The following CNTN6 variants were observed in gnomAD, a reference collection of about 807,000 sequenced individuals.
The protein encoded by CNTN6 is contactin-6.
A neutral mutation model predicts 122.8 loss-of-function variants in CNTN6; 137 were observed. The ratio of observed to expected loss-of-function variants is 1.12; its 90% CI spans 0.97 to 1.29. CNTN6 has a LOEUF of 1.29. Among genes scored for constraint, CNTN6 ranks in the 50% most tolerant of loss-of-function variants. The pLI is 0.00. For synonymous variants in CNTN6, 570 were observed against 426.0 expected (o/e 1.34, Z -4.16); for missense variants, 1,634 against 1,223.4 (o/e 1.34, Z -5.01).
intron 11 of CNTN6, among the ~76,000 whole-genome samples, chr3:1,343,681 C>T (rs1447318939): frequency 1.3e-5 from 2 of 152,148 alleles, no homozygotes; most frequent in South Asian, 2.1e-4. Flanking sequence ...TAGCTACTAC[C>T]TTGGGACACC....
chr3:1,233,557 A>G (rs1244509258), intron 4 of CNTN6, among the ~76,000 whole-genome samples: 1 of 151,906 alleles, frequency 6.6e-6, no homozygotes, highest in Admixed American at 6.6e-5. Context: ...AACATAGTGA[A>G]ACCACGTCTC....
At chr3:1,385,919 G>C in intron 20 of CNTN6, 122 bp downstream of exon 20, 1 of 939,232 alleles carries the variant, frequency 1.1e-6, no homozygotes, top group Non-Finnish European at 1.6e-6. Context: ...TGGTTAGTTG[G>C]TTTGTCCCTT....
intron 2 of CNTN6, among the ~76,000 whole-genome samples, chr3:1,162,046 C>A (rs1286954742): frequency 6.6e-6 from 1 of 152,092 alleles, no homozygotes; most frequent in Admixed American, 6.5e-5. Context: ...TGAAGAGTTT[C>A]TTTCCTCCCT....
At chr3:1,154,303 T>C (rs903198187) in intron 2 of CNTN6, among the ~76,000 whole-genome samples, 2 of 152,200 alleles carry the variant, frequency 1.3e-5, no homozygotes, top group South Asian at 2.1e-4. Flanking sequence ...GTTTTCACCA[T>C]GAAGTCTTTG....
chr3:1,147,932 T>A lies in CNTN6; in HGVS notation c.-77T>A, dbSNP rs891922676. On this transcript the variant is annotated 5_prime_UTR_variant, in exon 2 of 23. Coordinates refer to ENST00000446702, the MANE Select transcript of CNTN6 (RefSeq NM_001289080.2). Reference sequence around the variant, plus strand: ...GACAATTTTGTCTTTTTCAGACTCTTGAGATACTGACTGGAAGATAGACTG... The same window carrying A: ...GACAATTTTGTCTTTTTCAGACTCTAGAGATACTGACTGGAAGATAGACTG... The A allele has an allele frequency of 1.0e-6, 1 of 997,598 alleles. No individual in the cohort carries two copies. The allele number at this position is 997,598 out of a possible 1,614,324, so 61.8% of individuals were successfully genotyped here.
chr3:1,332,526 G>GCAAGGAAT (rs1702453625), intron 11 of CNTN6, among the ~76,000 whole-genome samples: 1 of 149,586 alleles, frequency 6.7e-6, no homozygotes, highest in Admixed American at 6.7e-5. Flanking sequence ...AAGGAAGGAA[G>GCAAGGAAT]GAAGGAGGGA....
rs770547598 is a variant in CNTN6, at chr3:1,278,418, G to A, written c.364G>A (p.Glu122Lys). 4.4e-6 allele frequency: 7 copies of A among 1,596,252 alleles called. No individual in the cohort carries two copies. In the South Asian group the frequency reaches 7.9e-5, roughly 18 times the overall value. ...GCTTTTCTTTGTTTTCCAAGATATT[G>A]AAGACTTTGAAACTAAAACAAGAAG... Reference protein sequence around the residue: ...RKAKLQFAYIEDFETKTRSTV... With the variant: ...RKAKLQFAYIKDFETKTRSTV... The change falls in exon 5 of 23, where the codon GAA (glutamate) becomes AAA (lysine). Residue 122 changes from glutamate to lysine, a missense_variant. Glu to Lys is a moderately conservative substitution (Grantham distance 56). Coordinates refer to ENST00000446702, the MANE Select transcript of CNTN6 (RefSeq NM_001289080.2).
intron 1 of CNTN6, among the ~76,000 whole-genome samples, chr3:1,129,526 T>C (rs1449316396): frequency 6.6e-6 from 1 of 152,114 alleles, no homozygotes; most frequent in Non-Finnish European, 1.5e-5. Context: ...CCCAACTTTC[T>C]GCACAGTCAC....
At chr3:1,159,885 G>T (rs113425072) in intron 2 of CNTN6, among the ~76,000 whole-genome samples, 2 of 151,584 alleles carry the variant, frequency 1.3e-5, no homozygotes, top group Admixed American at 1.3e-4. Flanking sequence ...CAGTGGCGCG[G>T]TCTCAGCTCA....
intron 3 of CNTN6, among the ~76,000 whole-genome samples, chr3:1,226,701 G>A (rs1224070725): frequency 6.6e-6 from 1 of 151,834 alleles, no homozygotes; most frequent in African/African-American, 2.4e-5. Flanking sequence ...AGGTTTTCCT[G>A]TTTTTTAGGA....
intron 2 of CNTN6, among the ~76,000 whole-genome samples, chr3:1,175,792 G>A (rs1218821600): frequency 1.4e-5 from 2 of 143,910 alleles, no homozygotes; most frequent in African/African-American, 4.9e-5. Flanking sequence ...GTGTGATGCG[G>A]GACTCTTGCT....
At chr3:1,176,189 G>A (rs530760088) in intron 2 of CNTN6, among the ~76,000 whole-genome samples, 8 of 152,200 alleles carry the variant, frequency 5.3e-5, no homozygotes, top group Admixed American at 1.3e-4. Flanking sequence ...AGGCCGGGGC[G>A]GGCGGATCAA....
intron 4 of CNTN6, among the ~76,000 whole-genome samples, chr3:1,251,381 C>G (rs2094665728): frequency 6.6e-6 from 1 of 152,178 alleles, no homozygotes; most frequent in South Asian, 2.1e-4. Context: ...TTCACGAATC[C>G]TAACAACTAC....
chr3:1,164,569 A>G (rs2093204745), intron 2 of CNTN6, among the ~76,000 whole-genome samples: 1 of 152,216 alleles, frequency 6.6e-6, no homozygotes, highest in Admixed American at 6.5e-5. Context: ...GGTTTTTCCT[A>G]TGATAGCTGG....
At position 1,376,994 on chromosome 3, in the gene CNTN6, G is replaced by A; in HGVS notation, c.2096-11G>A. The A allele has an allele frequency of 6.3e-7, 1 of 1,578,326 alleles. No homozygotes were observed. Among genetic ancestry groups the A allele is most frequent in the Non-Finnish European group, 8.6e-7 (1 of 1,159,996 alleles). ...TAATTGCCATCCCACATTTCTCTTG[G>A]TTATTTTTAGTCCCTGTTGTGGCAC... On this transcript the variant is annotated splice_polypyrimidine_tract_variant and intron_variant, in intron 16 of 22. Coordinates refer to ENST00000446702, the MANE Select transcript of CNTN6 (RefSeq NM_001289080.2).
At chr3:1,402,758 C>G (rs1004071121) in intron 22 of CNTN6, 10 of 296,338 alleles carry the variant, frequency 3.4e-5, no homozygotes, top group Non-Finnish European at 6.2e-5. Context: ...ATCACTCATT[C>G]TATTATCACA....
intron 4 of CNTN6, among the ~76,000 whole-genome samples, chr3:1,239,754 C>T (rs540807877): frequency 6.6e-5 from 10 of 152,264 alleles, no homozygotes; most frequent in East Asian, 1.9e-4. Flanking sequence ...GGAGGCATCA[C>T]GTTACCTGAC....
At chr3:1,364,935 C>G (rs114998942) in intron 12 of CNTN6, among the ~76,000 whole-genome samples, 93 of 151,946 alleles carry the variant, frequency 6.1e-4, no homozygotes, top group African/African-American at 2.2e-3. Context: ...TATTAAAATT[C>G]TGTGGTTTTA....
intron 1 of CNTN6, among the ~76,000 whole-genome samples, chr3:1,096,664 T>G (rs768258962): frequency 6.6e-6 from 1 of 152,212 alleles, no homozygotes; most frequent in Non-Finnish European, 1.5e-5. Context: ...AAATACATGT[T>G]TCCTTCTCTT....
Sources: gnomAD v4.1 joint callset for allele counts (sites outside exome capture counted in the v4.1 genomes callset) on GRCh38, gnomAD v4.1.1 for gene constraint, MANE v1.5 for transcripts, NCBI Gene and HGNC (gene_info 2026-07-23, HGNC 2026-07-21) for gene names.